TNNI3K: variants seen among roughly 807,000 people sequenced by gnomAD.
The protein encoded by TNNI3K is serine/threonine-protein kinase TNNI3K.
In TNNI3K, 140 loss-of-function variants were observed where a neutral mutation model predicts 114.5. That is an observed-to-expected ratio of 1.22 (90% confidence interval 1.07 to 1.41). The LOEUF is 1.41. Among genes scored for constraint, TNNI3K ranks in the 40% most tolerant of loss-of-function variants. The probability of loss-of-function intolerance (pLI) is 0.00; values close to 1 mark genes in which losing one functional copy is unlikely to be tolerated. For missense variants in TNNI3K, 1,125 were observed against 1,007.6 expected (o/e 1.12, Z -1.58); for synonymous variants, 347 against 347.5 (o/e 1.00, Z 0.02).
chr1:74,523,103 T>G (rs564862458), intron 23 of TNNI3K, among the ~76,000 whole-genome samples: 2 of 152,318 alleles, frequency 1.3e-5, no homozygotes, highest in East Asian at 3.9e-4. Context: ...TCTTCCCTCT[T>G]ACAGGCCAGG....
intron 17 of TNNI3K, among the ~76,000 whole-genome samples, chr1:74,419,100 G>A (rs1446347218): frequency 6.6e-6 from 1 of 152,020 alleles, no homozygotes; most frequent in Non-Finnish European, 1.5e-5. Flanking sequence ...CACTGTCCTG[G>A]AGGGCAGATT....
intron 6 of TNNI3K, among the ~76,000 whole-genome samples, chr1:74,335,197 C>G (rs992373713): frequency 1.3e-5 from 2 of 152,128 alleles, no homozygotes; most frequent in African/African-American, 4.8e-5. Context: ...TAATATTATT[C>G]CCATTGCACA....
intron 9 of TNNI3K, among the ~76,000 whole-genome samples, chr1:74,344,915 A>T (rs534077135): frequency 1.5e-4 from 23 of 152,162 alleles, no homozygotes; most frequent in Non-Finnish European, 3.1e-4. Context: ...TTTTTTATGT[A>T]CATAGTATTT....
intron 20 of TNNI3K, among the ~76,000 whole-genome samples, chr1:74,457,214 A>C (rs1667264178): frequency 6.6e-6 from 1 of 152,190 alleles, no homozygotes. Flanking sequence ...GATCACTGGA[A>C]AGATTAAATC....
At chr1:74,466,563 G>A (rs1178206360) in intron 21 of TNNI3K, among the ~76,000 whole-genome samples, 9 of 152,330 alleles carry the variant, frequency 5.9e-5, no homozygotes, top group Non-Finnish European at 1.2e-4. Flanking sequence ...TTCTGCTGAT[G>A]AGATGAAGAG....
intron 2 of TNNI3K, among the ~76,000 whole-genome samples, chr1:74,241,399 G>T (rs934439773): frequency 1.2e-4 from 19 of 152,150 alleles, no homozygotes; most frequent in Non-Finnish European, 1.9e-4. Context: ...CCCACCAATG[G>T]TGTAAAAGTG....
intron 23 of TNNI3K, among the ~76,000 whole-genome samples, chr1:74,493,969 G>T (rs1053362353): frequency 1.3e-5 from 2 of 152,142 alleles, no homozygotes; most frequent in African/African-American, 4.8e-5. Context: ...GTGGGAATGG[G>T]GTCATAGTTC....
chr1:74,316,314 G>A (rs1460945314), intron 5 of TNNI3K, among the ~76,000 whole-genome samples: 1 of 152,226 alleles, frequency 6.6e-6, no homozygotes, highest in African/African-American at 2.4e-5. Flanking sequence ...CCATTACCCT[G>A]TTTTGACATA....
At chr1:74,530,407 A>C (rs1249632107) in intron 23 of TNNI3K, among the ~76,000 whole-genome samples, 1 of 152,210 alleles carries the variant, frequency 6.6e-6, no homozygotes, top group Admixed American at 6.5e-5. Flanking sequence ...GTTTCCTCAT[A>C]TATAAAATGA....
chr1:74,247,298 G>A (rs543230210), intron 2 of TNNI3K, among the ~76,000 whole-genome samples: 4 of 152,138 alleles, frequency 2.6e-5, no homozygotes, highest in South Asian at 4.2e-4. Flanking sequence ...TGTTCCTCCC[G>A]TCCGGAGTTG....
At chr1:74,276,966 C>T (rs149480791) in intron 5 of TNNI3K, among the ~76,000 whole-genome samples, 4 of 152,226 alleles carry the variant, frequency 2.6e-5, no homozygotes, top group African/African-American at 9.6e-5. Context: ...CAATACTTCT[C>T]TTTGACTGAT....
chr1:74,531,660 C>A (rs557949196), intron 23 of TNNI3K, among the ~76,000 whole-genome samples: 1 of 152,312 alleles, frequency 6.6e-6, no homozygotes, highest in Admixed American at 6.5e-5. Context: ...GGCATTTCAG[C>A]AAGCTGTTTC....
intron 2 of TNNI3K, among the ~76,000 whole-genome samples, chr1:74,242,037 G>C (rs983798648): frequency 4.6e-5 from 7 of 152,010 alleles, no homozygotes; most frequent in Middle Eastern, 3.4e-3. Flanking sequence ...TTTTAGTAGA[G>C]ACGGGGTTTC....
intron 9 of TNNI3K, among the ~76,000 whole-genome samples, chr1:74,343,532 C>G (rs576881692): frequency 6.6e-6 from 1 of 152,304 alleles, no homozygotes; most frequent in Admixed American, 6.5e-5. Flanking sequence ...TGCCCATAAT[C>G]CTCCTCCAAC....
intron 5 of TNNI3K, among the ~76,000 whole-genome samples, chr1:74,273,527 C>CT (rs1472734038): frequency 6.6e-6 from 1 of 151,862 alleles, no homozygotes; most frequent in African/African-American, 2.4e-5. Flanking sequence ...AAACAAAATC[C>CT]TTTTTTTCCT....
At chr1:74,540,465 C>G (rs1174396176) in intron 24 of TNNI3K, 152 bp downstream of exon 24, 1 of 732,232 alleles carries the variant, frequency 1.4e-6, no homozygotes, top group Non-Finnish European at 2.2e-6. Context: ...TTTTATATGT[C>G]TTTTATAACT....
intron 17 of TNNI3K, among the ~76,000 whole-genome samples, chr1:74,393,919 C>T (rs1468153660): frequency 1.3e-5 from 2 of 152,140 alleles, no homozygotes; most frequent in South Asian, 2.1e-4. Flanking sequence ...TGACAGGAGG[C>T]GGAGCTCAGG....
intron 17 of TNNI3K, among the ~76,000 whole-genome samples, chr1:74,380,576 A>G (rs1663152267): frequency 6.6e-6 from 1 of 152,112 alleles, no homozygotes; most frequent in South Asian, 2.1e-4. Flanking sequence ...TGGTGAACTC[A>G]CTGGCCTGCA....
intron 17 of TNNI3K, chr1:74,373,441 C>G (rs775999191): frequency 2.0e-5 from 3 of 151,900 alleles, no homozygotes; most frequent in Non-Finnish European, 4.4e-5. Flanking sequence ...GAAACTCATA[C>G]ACTTATTTGC....
Sources: allele counts gnomAD v4.1 joint callset (sites outside exome capture counted in the v4.1 genomes callset), GRCh38; gene constraint gnomAD v4.1.1; transcripts MANE v1.5; gene names NCBI Gene and HGNC (gene_info 2026-07-23, HGNC 2026-07-21).